The following TIMD4 variants were observed in gnomAD, a reference collection of about 807,000 sequenced individuals.
TIMD4 encodes the protein T cell immunoglobulin and mucin domain containing 4, also known as T-cell immunoglobulin and mucin domain-containing protein 4.
Under a neutral mutation model 41.2 loss-of-function variants are expected in TIMD4, and 31 were observed. The ratio of observed to expected loss-of-function variants is 0.75; its 90% CI spans 0.57 to 1.01. The LOEUF (loss-of-function observed/expected upper bound fraction) is 1.01, where lower values mean the gene tolerates loss of function less well. TIMD4 is among the 50% of genes least tolerant of loss of function. TIMD4 has a pLI of 0.00. For missense variants in TIMD4, 479 were observed against 472.5 expected (o/e 1.01, Z -0.13); for synonymous variants, 204 against 177.1 (o/e 1.15, Z -1.21).
At chr5:156,962,696 A>G (rs1433577552) in intron 1 of TIMD4, among the ~76,000 whole-genome samples, 1 of 152,218 alleles carries the variant, frequency 6.6e-6, no homozygotes, top group African/African-American at 2.4e-5. Flanking sequence ...AACGTGCAGA[A>G]AAGAAACCTT....
At chr5:156,938,940 T>G (rs1200165438) in intron 5 of TIMD4, among the ~76,000 whole-genome samples, 3 of 152,210 alleles carry the variant, frequency 2.0e-5, no homozygotes, top group Non-Finnish European at 4.4e-5. Flanking sequence ...CATCCCATTC[T>G]AATTCTGGTG....
At chr5:156,950,798 A>G (rs186960059) in intron 3 of TIMD4, among the ~76,000 whole-genome samples, 6 of 152,334 alleles carry the variant, frequency 3.9e-5, no homozygotes, top group African/African-American at 1.2e-4. Context: ...TCTAATGCTC[A>G]GGCAGCGACT....
intron 5 of TIMD4, among the ~76,000 whole-genome samples, chr5:156,947,625 A>T (rs913978332): frequency 2.0e-5 from 3 of 152,250 alleles, no homozygotes; most frequent in African/African-American, 7.2e-5. Context: ...ACATAGATTA[A>T]AGAAGAAAGT....
chr5:156,940,791 C>T (rs1257192453), intron 5 of TIMD4, among the ~76,000 whole-genome samples: 1 of 151,958 alleles, frequency 6.6e-6, no homozygotes, highest in East Asian at 1.9e-4. Flanking sequence ...CACCCCCGCC[C>T]GGCAGCCGCC....
intron 6 of TIMD4, 55 bp downstream of exon 6, chr5:156,926,208 C>G (rs1759344873): frequency 6.3e-7 from 1 of 1,588,996 alleles, no homozygotes; most frequent in African/African-American, 1.3e-5. Flanking sequence ...CTGGCCACTA[C>G]TGTGGATTTT....
chr5:156,959,399 G>T (rs796461487), intron 1 of TIMD4, among the ~76,000 whole-genome samples: 5 of 152,096 alleles, frequency 3.3e-5, no homozygotes, highest in African/African-American at 9.7e-5. Context: ...CAAATGCCAC[G>T]TGAAATTAAC....
At chr5:156,931,665 G>A (rs1036618986) in intron 5 of TIMD4, among the ~76,000 whole-genome samples, 1 of 152,146 alleles carries the variant, frequency 6.6e-6, no homozygotes, top group Non-Finnish European at 1.5e-5. Context: ...TTGTATTTTG[G>A]TCTCTTGAGT....
chr5:156,939,943 A>G (rs1759608960), intron 5 of TIMD4, among the ~76,000 whole-genome samples: 1 of 152,192 alleles, frequency 6.6e-6, no homozygotes, highest in South Asian at 2.1e-4. Flanking sequence ...CTCAAAAAAC[A>G]TGAACCCTCT....
At position 156,951,609 on chromosome 5, in the gene TIMD4, T is replaced by G; in HGVS notation, c.582A>C (p.Ala194=). The G allele has an allele frequency of 2.5e-6, 4 of 1,614,160 alleles. 1 individual carries two copies. The highest frequency in any genetic ancestry group is 3.4e-6 in the Non-Finnish European group (4 of 1,180,026). The part of the protein sequence containing the change: ...QMTTIAVFTT[A]NTCLSLTPST... ...TTGGGGTTAGTGAAAGGCACGTGTT[T>G]GCTGTTGTGAAGACGGCAATGGTTG... is the stretch of plus-strand genomic sequence containing the variant. The change falls in exon 3 of 9, where the codon GCA becomes GCC. Residue 194 remains alanine (A), a synonymous_variant. Coordinates refer to ENST00000274532, the MANE Select transcript of TIMD4 (RefSeq NM_138379.3).
intron 5 of TIMD4, among the ~76,000 whole-genome samples, chr5:156,931,565 T>C (rs946138632): frequency 5.3e-5 from 8 of 152,246 alleles, no homozygotes; most frequent in Non-Finnish European, 1.0e-4. Context: ...GATGTTTCTA[T>C]AGGATGAGAA....
chr5:156,925,696 T>A (rs913533371), intron 6 of TIMD4, among the ~76,000 whole-genome samples: 2 of 152,220 alleles, frequency 1.3e-5, no homozygotes, highest in Non-Finnish European at 2.9e-5. Context: ...CACACAATGA[T>A]CTTGCATGTT....
Position 156,919,541 on chromosome 5 carries a change from C to A in TIMD4, c.1053G>T (p.Arg351Ser), listed in dbSNP as rs374424870. The change falls in exon 9 of 9, where the codon AGG becomes AGT. Residue 351 changes from arginine to serine, a missense_variant and splice_region_variant. Physicochemically the swap from Arg to Ser is moderately radical, Grantham distance 110. Coordinates refer to ENST00000274532, the MANE Select transcript of TIMD4 (RefSeq NM_138379.3). ...METYCSQKHTRLDYIGDSKNV... is the reference protein window; with the variant it reads ...METYCSQKHTSLDYIGDSKNV... ...TTTTACTATCTCCAATGTAGTCTAG[C>A]CTGTAAACAGAAAAGAGGGGCTCAT... The A allele has an allele frequency of 1.2e-6, 2 of 1,613,140 alleles. No individual in the cohort carries two copies.
At chr5:156,951,853 A>G (rs1423446201) in intron 2 of TIMD4, 63 bp from the exon 3 acceptor site, 1 of 1,596,522 alleles carries the variant, frequency 6.3e-7, no homozygotes, top group Non-Finnish European at 8.5e-7. Context: ...AAATAATGCA[A>G]GTATATCTGG....
At chr5:156,962,102 G>A (rs1753075229) in intron 1 of TIMD4, among the ~76,000 whole-genome samples, 1 of 152,044 alleles carries the variant, frequency 6.6e-6, no homozygotes, top group African/African-American at 2.4e-5. Flanking sequence ...ATGAAGAAAG[G>A]CAGGTTAATG....
chr5:156,938,210 C>T (rs1446677003), intron 5 of TIMD4, among the ~76,000 whole-genome samples: 1 of 152,174 alleles, frequency 6.6e-6, no homozygotes, highest in Non-Finnish European at 1.5e-5. Context: ...GCTCACTCCT[C>T]TTTAAACTTT....
chr5:156,936,655 G>A (rs972889109), intron 5 of TIMD4, among the ~76,000 whole-genome samples: 4 of 151,856 alleles, frequency 2.6e-5, no homozygotes, highest in Non-Finnish European at 4.4e-5. Context: ...AGTGGCTCAC[G>A]CCTGTAATCC....
At chr5:156,925,463 A>G (rs1759330212) in intron 6 of TIMD4, among the ~76,000 whole-genome samples, 1 of 152,222 alleles carries the variant, frequency 6.6e-6, no homozygotes, top group South Asian at 2.1e-4. Context: ...CAACCAGGAC[A>G]GGACAACAGA....
intron 5 of TIMD4, 73 bp downstream of exon 5, chr5:156,948,343 G>T: frequency 6.0e-5 from 48 of 797,106 alleles, no homozygotes; most frequent in South Asian, 1.1e-4. Flanking sequence ...AAAAAAGCAA[G>T]ATTCTGTCTA....
At chr5:156,959,208 A>T (rs1760035305) in intron 1 of TIMD4, among the ~76,000 whole-genome samples, 1 of 152,206 alleles carries the variant, frequency 6.6e-6, no homozygotes, top group Admixed American at 6.5e-5. Flanking sequence ...AAAAGGAAGC[A>T]GGTGCTGAGT....
Sources: gnomAD v4.1 joint callset for allele counts (sites outside exome capture counted in the v4.1 genomes callset) on GRCh38, gnomAD v4.1.1 for gene constraint, MANE v1.5 for transcripts, NCBI Gene and HGNC (gene_info 2026-07-23, HGNC 2026-07-21) for gene names.